C3orf20: variants seen among roughly 807,000 people sequenced by gnomAD.
C3orf20 encodes family with sequence similarity 149 member C, also known as uncharacterized protein C3orf20.
In C3orf20, 76 loss-of-function variants were observed where a neutral mutation model predicts 88.3. The ratio of observed to expected loss-of-function variants is 0.86; its 90% CI spans 0.72 to 1.04. The LOEUF is 1.04. Among genes scored for constraint, C3orf20 ranks in the 50% least tolerant of loss-of-function variants. The pLI is 0.00. For missense variants in C3orf20, 1,056 were observed against 1,123.3 expected, an observed-to-expected ratio of 0.94 and a Z score of 0.86; for synonymous variants, 436 against 437.4, an observed-to-expected ratio of 1.00 and a Z score of 0.04.
chr3:14,686,412 T>C (rs1214322942), intron 4 of C3orf20, among the ~76,000 whole-genome samples: 1 of 152,246 alleles, frequency 6.6e-6, no homozygotes, highest in Admixed American at 6.5e-5. Flanking sequence ...AACTCCATAC[T>C]GTTTTCCATA....
At chr3:14,699,065 T>C (rs1367856044) in intron 5 of C3orf20, among the ~76,000 whole-genome samples, 2 of 152,110 alleles carry the variant, frequency 1.3e-5, no homozygotes, top group Non-Finnish European at 2.9e-5. Flanking sequence ...ACCAGGTCCA[T>C]GGGGAGTACT....
intron 4 of C3orf20, among the ~76,000 whole-genome samples, chr3:14,685,291 G>A (rs555580408): frequency 6.6e-6 from 1 of 152,226 alleles, no homozygotes; most frequent in East Asian, 1.9e-4. Context: ...TCATTTATAG[G>A]TACATTACAC....
At chr3:14,723,611 G>A (rs1395386079) in intron 10 of C3orf20, among the ~76,000 whole-genome samples, 1 of 152,168 alleles carries the variant, frequency 6.6e-6, no homozygotes, top group East Asian at 1.9e-4. Flanking sequence ...AAGAGAGGAA[G>A]TACCGGAGAA....
At chr3:14,750,554 T>TA (rs3038830) in intron 12 of C3orf20, among the ~76,000 whole-genome samples, 7,478 of 142,478 alleles carry the variant, frequency 0.052, 258 homozygotes, top group Non-Finnish European at 0.075. Flanking sequence ...GACCCTGTCT[T>TA]AAAAAAAAAA....
intron 13 of C3orf20, 148 bp downstream of exon 13, chr3:14,757,822 T>C (rs2035427356): frequency 1.4e-6 from 1 of 698,622 alleles, no homozygotes; most frequent in Non-Finnish European, 2.3e-6. Context: ...AGTCTTTGTG[T>C]GTACTCTCCT....
chr3:14,689,928 G>C, intron 4 of C3orf20, 69 bp from the exon 5 acceptor site: 1 of 1,605,688 alleles, frequency 6.2e-7, no homozygotes, highest in Non-Finnish European at 8.5e-7. Flanking sequence ...AGAAATCCAT[G>C]TTACATTTTT....
At chr3:14,771,089 A>G (rs537578071) in intron 15 of C3orf20, among the ~76,000 whole-genome samples, 45 of 152,284 alleles carry the variant, frequency 3.0e-4, no homozygotes, top group African/African-American at 1.0e-3. Context: ...AGCCTTGGGG[A>G]GGTGATTCAT....
chr3:14,746,540 T>C (rs888834253), intron 12 of C3orf20, among the ~76,000 whole-genome samples: 4 of 152,224 alleles, frequency 2.6e-5, no homozygotes, highest in African/African-American at 9.7e-5. Flanking sequence ...TCTCCTCCTC[T>C]TGGTCAAGAT....
intron 15 of C3orf20, among the ~76,000 whole-genome samples, chr3:14,771,405 A>G (rs1364174121): frequency 6.6e-6 from 1 of 152,230 alleles, no homozygotes; most frequent in Non-Finnish European, 1.5e-5. Context: ...ACAGTTCTGG[A>G]TGCCAGAAGC....
chr3:14,758,697 T>C (rs972874060), intron 13 of C3orf20, among the ~76,000 whole-genome samples: 2 of 152,136 alleles, frequency 1.3e-5, no homozygotes, highest in African/African-American at 2.4e-5. Flanking sequence ...ATGGACACCC[T>C]CCTCCCAGAA....
intron 1 of C3orf20, among the ~76,000 whole-genome samples, chr3:14,676,877 T>C (rs1411462296): frequency 1.3e-5 from 2 of 152,244 alleles, no homozygotes; most frequent in Non-Finnish European, 2.9e-5. Context: ...CCAACTCTGC[T>C]CACCTTAAGA....
intron 7 of C3orf20, among the ~76,000 whole-genome samples, chr3:14,713,438 C>G (rs887817278): frequency 6.6e-6 from 1 of 152,192 alleles, no homozygotes; most frequent in South Asian, 2.1e-4. Flanking sequence ...GCTGCCCACA[C>G]CATGTCCTCC....
chr3:14,743,378 G>A (rs1192863297), intron 12 of C3orf20, among the ~76,000 whole-genome samples: 1 of 151,998 alleles, frequency 6.6e-6, no homozygotes. Flanking sequence ...CAAGAGGTAA[G>A]TTCCCAGGGT....
chr3:14,691,748 T>A (rs1306397793), intron 5 of C3orf20, among the ~76,000 whole-genome samples: 1 of 152,246 alleles, frequency 6.6e-6, no homozygotes, highest in Non-Finnish European at 1.5e-5. Flanking sequence ...CATTTATCCT[T>A]TGTGTTACAA....
chr3:14,680,485 G>T (rs1005325311), intron 1 of C3orf20, among the ~76,000 whole-genome samples: 21 of 152,246 alleles, frequency 1.4e-4, no homozygotes, highest in African/African-American at 5.1e-4. Context: ...CTAGACGAAT[G>T]GTTGCCTGAG....
At chr3:14,696,089 A>AT (rs1331692381) in intron 5 of C3orf20, among the ~76,000 whole-genome samples, 2 of 139,984 alleles carry the variant, frequency 1.4e-5, no homozygotes, top group African/African-American at 2.6e-5. Context: ...ACTGAAGGTG[A>AT]TTTTCTCTGG....
chr3:14,772,212 A>G lies in C3orf20; in HGVS notation c.2630+11A>G, dbSNP rs776643954. 2 of 1,614,208 alleles carry G rather than the reference A, an allele frequency of 1.2e-6. No homozygotes were observed. The highest frequency in any genetic ancestry group is 1.7e-6 in the Non-Finnish European group (2 of 1,180,026). On this transcript the variant is annotated intron_variant, in intron 16 of 16. Coordinates refer to ENST00000253697, the MANE Select transcript of C3orf20 (RefSeq NM_032137.5). This position sits in a 1 kb window ranked among gnomAD's most constrained non-coding sequence, Gnocchi z 4.2. The stretch of plus-strand genomic sequence containing the variant: ...TCTGGAGGCTGAGAAGTAGGTGACC[A>G]CATCAGCTGCCAGAATGGGCGTGGC...
intron 12 of C3orf20, among the ~76,000 whole-genome samples, chr3:14,747,037 C>T (rs1313323944): frequency 1.3e-5 from 2 of 152,166 alleles, no homozygotes; most frequent in Admixed American, 6.5e-5. Flanking sequence ...CATTTTATGA[C>T]TGGGTTGAAT....
chr3:14,737,083 T>G (rs1457948251), intron 12 of C3orf20, among the ~76,000 whole-genome samples: 1 of 152,204 alleles, frequency 6.6e-6, no homozygotes, highest in Non-Finnish European at 1.5e-5. Flanking sequence ...CTTTAAAGGC[T>G]TTTCTATGAT....
Sources: gnomAD v4.1 joint callset for allele counts (sites outside exome capture counted in the v4.1 genomes callset) on GRCh38, gnomAD v4.1.1 for gene constraint, Gnocchi (gnomAD v3.1) non-coding constraint, MANE v1.5 for transcripts, NCBI Gene and HGNC (gene_info 2026-07-23, HGNC 2026-07-21) for gene names.